MAGI2: variants seen among roughly 807,000 people sequenced by gnomAD.
MAGI2 encodes membrane-associated guanylate kinase, WW and PDZ domain-containing protein 2.
MAGI2 carries 35 observed loss-of-function variants against 133.3 expected under a neutral mutation model. The ratio of observed to expected loss-of-function variants is 0.26; its 90% CI spans 0.20 to 0.35. MAGI2 has a LOEUF of 0.35. Among genes scored for constraint, MAGI2 ranks in the 10% least tolerant of loss-of-function variants. MAGI2 has a pLI of 1.00. For missense variants in MAGI2, 1,636 were observed against 1,863.4 expected (o/e 0.88, Z 2.25); for synonymous variants, 729 against 710.6 (o/e 1.03, Z -0.41).
intron 2 of MAGI2, among the ~76,000 whole-genome samples, chr7:78,745,965 G>A (rs998502370): frequency 5.9e-5 from 9 of 152,024 alleles, no homozygotes; most frequent in Non-Finnish European, 7.4e-5. Flanking sequence ...GAGTAATTCC[G>A]TATAGCTCCT....
At chr7:78,852,007 T>C (rs890556385) in intron 2 of MAGI2, among the ~76,000 whole-genome samples, 2 of 152,184 alleles carry the variant, frequency 1.3e-5, no homozygotes, top group Admixed American at 6.6e-5. Flanking sequence ...CTCTCACTAG[T>C]AGTATATGAA....
rs58788674 is a variant in MAGI2, at chr7:78,057,977, G to GTATATATATATATATATATATATATATA, written c.3706+20969_3706+20970insTATATATATATATATATATATATATATA. On this transcript the variant is annotated intron_variant, in intron 21 of 21. Transcript: ENST00000354212. ...CCCCTCTGGCATTTTATATATATGT[G>GTATATATATATATATATATATATATATA]TATATATATATATATATATATATAT... 3.0e-3 allele frequency among the ~76,000 whole-genome samples: 318 copies of GTATATATATATATATATATATATATATA among 106,314 alleles called. 19 individuals are homozygous for GTATATATATATATATATATATATATATA. Among genetic ancestry groups the GTATATATATATATATATATATATATATA allele is most frequent in the Non-Finnish European group, 4.6e-3 (222 of 48,748 alleles). The allele number at this position is 106,314 out of a possible 152,430, so 69.7% of individuals were successfully genotyped here.
intron 10 of MAGI2, among the ~76,000 whole-genome samples, chr7:78,223,894 T>C (rs558241692): frequency 1.1e-4 from 17 of 152,208 alleles, no homozygotes; most frequent in Non-Finnish European, 2.5e-4. Context: ...TTAAAGCCAC[T>C]GCTTTTCCCA....
At chr7:78,679,565 A>G (rs1815422510) in intron 2 of MAGI2, among the ~76,000 whole-genome samples, 1 of 152,226 alleles carries the variant, frequency 6.6e-6, no homozygotes, top group Admixed American at 6.5e-5. Context: ...TACTGTTCAT[A>G]GAATTTGTAT....
intron 9 of MAGI2, among the ~76,000 whole-genome samples, chr7:78,319,318 C>CA (rs372202955): frequency 9.9e-5 from 15 of 150,766 alleles, no homozygotes; most frequent in African/African-American, 3.4e-4. Flanking sequence ...AACAAACAAA[C>CA]AAAAAAACAG....
chr7:78,761,054 A>G (rs1409308309), intron 2 of MAGI2, among the ~76,000 whole-genome samples: 1 of 152,214 alleles, frequency 6.6e-6, no homozygotes, highest in Admixed American at 6.5e-5. Flanking sequence ...ATCTTACAGA[A>G]GAGGAAAATG....
At chr7:78,824,150 G>A (rs1373278496) in intron 2 of MAGI2, among the ~76,000 whole-genome samples, 4 of 152,184 alleles carry the variant, frequency 2.6e-5, no homozygotes. Context: ...CTCTCTTAAT[G>A]ATGATTGTGT....
intron 20 of MAGI2, among the ~76,000 whole-genome samples, chr7:78,109,478 C>T (rs1162593002): frequency 6.8e-6 from 1 of 146,264 alleles, no homozygotes; most frequent in South Asian, 2.2e-4. Flanking sequence ...TAAAAATACA[C>T]AAAATTAGCT....
chr7:78,260,178 G>A (rs1030233339), intron 9 of MAGI2, among the ~76,000 whole-genome samples: 8 of 152,172 alleles, frequency 5.3e-5, no homozygotes, highest in African/African-American at 9.7e-5. Flanking sequence ...TCTTATAGAC[G>A]GGGATGTCAG....
At chr7:78,575,940 A>C (rs1360935850) in intron 3 of MAGI2, among the ~76,000 whole-genome samples, 1 of 152,206 alleles carries the variant, frequency 6.6e-6, no homozygotes, top group African/African-American at 2.4e-5. Flanking sequence ...ATATCAACAT[A>C]GGTTTATTAG....
intron 9 of MAGI2, among the ~76,000 whole-genome samples, chr7:78,332,552 G>A (rs116949303): frequency 1.9e-3 from 296 of 152,304 alleles, no homozygotes; most frequent in Non-Finnish European, 2.6e-3. Context: ...GAAAAAATTA[G>A]TCTGGTGTTG....
intron 6 of MAGI2, among the ~76,000 whole-genome samples, chr7:78,436,261 C>T (rs1343438446): frequency 6.6e-6 from 1 of 151,986 alleles, no homozygotes; most frequent in Non-Finnish European, 1.5e-5. Context: ...ACAATAGTAA[C>T]CCAATTAAAC....
chr7:79,305,275 G>A (rs1211616467), intron 1 of MAGI2, among the ~76,000 whole-genome samples: 1 of 152,112 alleles, frequency 6.6e-6, no homozygotes, highest in Non-Finnish European at 1.5e-5. Context: ...AGTTTTCAGA[G>A]TATGAGCTCA....
chr7:79,177,653 G>A (rs970000931), intron 1 of MAGI2, among the ~76,000 whole-genome samples: 3 of 151,990 alleles, frequency 2.0e-5, no homozygotes, highest in African/African-American at 7.3e-5. Flanking sequence ...TCAAAATGAT[G>A]ATAATAATAG....
chr7:78,880,455 A>G (rs1795759528), intron 2 of MAGI2, among the ~76,000 whole-genome samples: 1 of 152,148 alleles, frequency 6.6e-6, no homozygotes, highest in Non-Finnish European at 1.5e-5. Context: ...TCCAAACAAG[A>G]TTTTCATGTC....
chr7:78,938,307 G>C (rs1223990569), intron 2 of MAGI2, among the ~76,000 whole-genome samples: 1 of 151,884 alleles, frequency 6.6e-6, no homozygotes, highest in African/African-American at 2.4e-5. Context: ...TTCATTCATG[G>C]GAAAAGATAT....
intron 2 of MAGI2, among the ~76,000 whole-genome samples, chr7:78,819,637 T>G (rs1283981384): frequency 6.6e-6 from 1 of 151,936 alleles, no homozygotes; most frequent in Non-Finnish European, 1.5e-5. Context: ...ACAATGTGTA[T>G]GTGTGTGTGT....
chr7:78,310,897 T>G (rs943057360), intron 9 of MAGI2, among the ~76,000 whole-genome samples: 1 of 152,192 alleles, frequency 6.6e-6, no homozygotes, highest in Non-Finnish European at 1.5e-5. Context: ...TGGCAGAATA[T>G]TCTTAAAAGC....
At chr7:78,335,943 C>T (rs1435173057) in intron 9 of MAGI2, among the ~76,000 whole-genome samples, 1 of 152,110 alleles carries the variant, frequency 6.6e-6, no homozygotes, top group Non-Finnish European at 1.5e-5. Flanking sequence ...TTACCAGATG[C>T]TAAAGCTTCA....
Sources: gnomAD v4.1 joint callset for allele counts (sites outside exome capture counted in the v4.1 genomes callset) on GRCh38, gnomAD v4.1.1 for gene constraint, MANE v1.5 for transcripts, NCBI Gene and HGNC (gene_info 2026-07-23, HGNC 2026-07-21) for gene names.